The following R3HCC1L variants were observed in gnomAD, a reference collection of about 807,000 sequenced individuals.
R3HCC1L encodes R3H domain and coiled-coil containing 1 like, also known as coiled-coil domain-containing protein R3HCC1L.
A neutral mutation model predicts 59.9 loss-of-function variants in R3HCC1L; 51 were observed. The ratio of observed to expected loss-of-function variants is 0.85; its 90% CI spans 0.68 to 1.07. R3HCC1L has a LOEUF of 1.07. Among genes scored for constraint, R3HCC1L ranks in the 50% least tolerant of loss-of-function variants. The pLI, the probability that R3HCC1L is intolerant of heterozygous loss-of-function variation, is 0.00. For missense variants in R3HCC1L, 965 were observed against 933.0 expected, an observed-to-expected ratio of 1.03 and a Z score of -0.45; for synonymous variants, 322 against 315.2, an observed-to-expected ratio of 1.02 and a Z score of -0.23.
intron 1 of R3HCC1L, among the ~76,000 whole-genome samples, chr10:98,142,007 T>C (rs930578761): frequency 1.3e-5 from 2 of 152,210 alleles, no homozygotes; most frequent in Non-Finnish European, 1.5e-5. Flanking sequence ...GAATAAATGT[T>C]CTATTGAAAG....
intron 1 of R3HCC1L, among the ~76,000 whole-genome samples, chr10:98,143,454 G>T (rs576268901): frequency 1.3e-3 from 204 of 152,256 alleles, no homozygotes; most frequent in African/African-American, 4.0e-3. Flanking sequence ...GTAGTTCTTG[G>T]TTTTTTCCTC....
At chr10:98,210,303 C>T (rs1467850165) in intron 5 of R3HCC1L, among the ~76,000 whole-genome samples, 1 of 151,956 alleles carries the variant, frequency 6.6e-6, no homozygotes, top group African/African-American at 2.4e-5. Context: ...GTGTTAGACA[C>T]TGTAGAGGGA....
intron 4 of R3HCC1L, among the ~76,000 whole-genome samples, chr10:98,176,744 T>A (rs898811515): frequency 1.3e-5 from 2 of 152,186 alleles, no homozygotes; most frequent in African/African-American, 4.8e-5. Flanking sequence ...TAATGTCAAA[T>A]AGAAGTGACA....
At chr10:98,213,688 CTT>C (rs1403974533) in intron 5 of R3HCC1L, among the ~76,000 whole-genome samples, 1 of 152,080 alleles carries the variant, frequency 6.6e-6, no homozygotes, top group Non-Finnish European at 1.5e-5. Flanking sequence ...AATCTATAGA[CTT>C]TATTTTTGAG....
At chr10:98,178,632 T>C (rs930761432) in intron 4 of R3HCC1L, among the ~76,000 whole-genome samples, 7 of 152,196 alleles carry the variant, frequency 4.6e-5, no homozygotes, top group Non-Finnish European at 7.4e-5. Flanking sequence ...GGGGATGGCA[T>C]TGAATCTATA....
At chr10:98,231,978 T>A (rs1590823256) in intron 6 of R3HCC1L, among the ~76,000 whole-genome samples, 1 of 152,174 alleles carries the variant, frequency 6.6e-6, no homozygotes, top group Non-Finnish European at 1.5e-5. Context: ...TAATTGTTGA[T>A]ATATTTGGAT....
Position 98,161,727 on chromosome 10 carries a change from A to C in R3HCC1L, c.-212-1156A>C, listed in dbSNP as rs191268005. 4.0e-3 allele frequency among the ~76,000 whole-genome samples: 602 copies of C among 152,262 alleles called. 1 individual carries two copies. The highest frequency in any genetic ancestry group is 0.02 in the Middle Eastern group (6 of 294). ...GATATGCTACCTTTATCATATATGAAATTTCCATTTGGTTTACTTCTGGAC... is the reference window on the plus strand; with the variant it reads ...GATATGCTACCTTTATCATATATGACATTTCCATTTGGTTTACTTCTGGAC... On this transcript the variant is annotated intron_variant, in intron 2 of 9. Transcript: ENST00000298999.
At position 98,190,365 on chromosome 10, in the gene R3HCC1L, T is replaced by C. The variant is rs187549185; in HGVS notation, c.-14-17736T>C. ...ATTTTATTATTCTAATTTTATTCTG[T>C]CAAAGAATCTTCCAATTTTTTACTC... On this transcript the variant is annotated intron_variant, in intron 4 of 9. Coordinates refer to ENST00000298999, the MANE Select transcript of R3HCC1L (RefSeq NM_001351015.2). Among the ~76,000 whole-genome samples the C allele has an allele frequency of 1.7e-3, 254 of 152,294 alleles. 2 individuals are homozygous for C. Among genetic ancestry groups the C allele is most frequent in the African/African-American group, 5.5e-3 (229 of 41,580 alleles).
chr10:98,227,577 T>TG (rs1491448097), intron 5 of R3HCC1L, among the ~76,000 whole-genome samples: 97 of 1,318 alleles, frequency 0.074, no homozygotes, highest in Non-Finnish European at 0.5. Flanking sequence ...GCAGTGTGTG[T>TG]TTTTTTTTTT....
At chr10:98,230,542 A>AT (rs745695443) in intron 5 of R3HCC1L, among the ~76,000 whole-genome samples, 26 of 151,838 alleles carry the variant, frequency 1.7e-4, no homozygotes, top group Admixed American at 5.3e-4. Context: ...GGATTCATTG[A>AT]TTTTTTTGAA....
At chr10:98,241,726 G>C (rs528478084) in intron 9 of R3HCC1L, among the ~76,000 whole-genome samples, 31 of 152,020 alleles carry the variant, frequency 2.0e-4, no homozygotes, top group African/African-American at 7.5e-4. Context: ...TTCCCTTGTA[G>C]ATATTTTCAG....
In R3HCC1L at chr10:98,236,090, G is replaced by A; in HGVS notation, c.2195G>A (p.Ser732Asn). 1 of 1,614,020 alleles carries A rather than the reference G, an allele frequency of 6.2e-7. No individual in the cohort carries two copies. Among genetic ancestry groups the A allele is most frequent in the Non-Finnish European group, 8.5e-7 (1 of 1,179,946 alleles). ...SAALARRLVISALGVRSKQSK... is the reference protein window; with the variant it reads ...SAALARRLVINALGVRSKQSK... ...GCCCTAGCCAGAAGGTTAGTCATCA[G>A]TGCCCTTGGGGTTCGAAGTAAGCAG... is the stretch of plus-strand genomic sequence containing the variant. The change falls in exon 9 of 10, where the codon AGT becomes AAT. Residue 732 changes from serine to asparagine, a missense_variant. Physicochemically the swap from Ser to Asn is conservative, Grantham distance 46. Coordinates refer to ENST00000298999, the MANE Select transcript of R3HCC1L (RefSeq NM_001351015.2).
intron 9 of R3HCC1L, among the ~76,000 whole-genome samples, chr10:98,236,821 T>C (rs988726486): frequency 2.0e-5 from 3 of 152,194 alleles, no homozygotes; most frequent in African/African-American, 7.2e-5. Flanking sequence ...TTGAATTGTA[T>C]GTAAAGGCTT....
Position 98,209,470 on chromosome 10 carries a change from ATC to A in R3HCC1L, c.1359_1360del (p.His454PhefsTer27). 1.9e-6 allele frequency: 3 copies of A among 1,613,704 alleles called. No homozygotes were observed. Among genetic ancestry groups the A allele is most frequent in the Non-Finnish European group, 2.5e-6 (3 of 1,179,978 alleles). Reference sequence around the variant, plus strand: ...CAGATATTTATGGTGAGAGTATTTCATCTCATTTTACAGAGTCAACAGGAAAG... The same window carrying A: ...CAGATATTTATGGTGAGAGTATTTCATCATTTTACAGAGTCAACAGGAAAG... ...CSDIYGESIS[S>X]HFTESTGKLI... On this transcript the variant is annotated frameshift_variant, in exon 5 of 10. Transcript: ENST00000298999. LOFTEE classifies it high-confidence loss of function.
chr10:98,205,232 A>T (rs1182917005), intron 4 of R3HCC1L, among the ~76,000 whole-genome samples: 2 of 152,212 alleles, frequency 1.3e-5, no homozygotes, highest in Admixed American at 6.5e-5. Flanking sequence ...TAAGTATATC[A>T]TACCTCTGGT....
In R3HCC1L at chr10:98,208,948, T is replaced by C. The variant is rs1853139177; in HGVS notation, c.834T>C (p.Asp278=). ...CTGGAAGTCCAGATGGTGTCTTTGA[T>C]CAAACTTGCGTAGATTTTGAAGTTG... ...SVPGSPDGVF[D]QTCVDFEVES... Residue 278 remains aspartate (D), a synonymous_variant, in exon 5 of 10, where the codon GAT becomes GAC. Transcript: ENST00000298999. The C allele has an allele frequency of 6.2e-7, 1 of 1,614,108 alleles. No individual in the cohort carries two copies. The highest frequency in any genetic ancestry group is 1.6e-4 in the Middle Eastern group (1 of 6,062).
chr10:98,169,042 A>C (rs1386155308), intron 4 of R3HCC1L, among the ~76,000 whole-genome samples: 1 of 152,192 alleles, frequency 6.6e-6, no homozygotes, highest in Non-Finnish European at 1.5e-5. Context: ...TGAATGAGGA[A>C]GTTTCAGAGA....
intron 1 of R3HCC1L, among the ~76,000 whole-genome samples, chr10:98,135,904 T>G (rs1232750031): frequency 6.6e-6 from 1 of 152,200 alleles, no homozygotes; most frequent in East Asian, 1.9e-4. Flanking sequence ...ATTCAGAATA[T>G]AAATAGCCAA....
Position 98,231,632 on chromosome 10 carries a change from G to T in R3HCC1L, c.1906G>T (p.Asp636Tyr). 1 of 1,612,718 alleles carries T rather than the reference G, an allele frequency of 6.2e-7. No individual in the cohort carries two copies. Among genetic ancestry groups the T allele is most frequent in the Non-Finnish European group, 8.5e-7 (1 of 1,179,076 alleles). Residue 636 changes from aspartate (D) to tyrosine (Y), a missense_variant, in exon 6 of 10, where the codon GAC becomes TAC. Transcript: ENST00000298999. ...CEFPHVIEIY[D>Y]FPQEFHTEDL... ...ATTCCCACATGTCATTGAAATTTATGACTTTCCCCAAGAATTTCATACTGA... is the reference window on the plus strand; with the variant it reads ...ATTCCCACATGTCATTGAAATTTATTACTTTCCCCAAGAATTTCATACTGA...
Sources: gnomAD v4.1 joint callset for allele counts (sites outside exome capture counted in the v4.1 genomes callset) on GRCh38, gnomAD v4.1.1 for gene constraint, MANE v1.5 for transcripts, NCBI Gene and HGNC (gene_info 2026-07-23, HGNC 2026-07-21) for gene names.